Variants in MTHFD2L observed in about 807,000 individuals in gnomAD.
MTHFD2L encodes the protein bifunctional methylenetetrahydrofolate dehydrogenase/cyclohydrolase 2, mitochondrial.
MTHFD2L carries 29 observed loss-of-function variants against 34.9 expected under a neutral mutation model. The ratio of observed to expected loss-of-function variants is 0.83; its 90% CI spans 0.62 to 1.13. The LOEUF is 1.13. Among genes scored for constraint, MTHFD2L ranks in the 50% most tolerant of loss-of-function variants. MTHFD2L has a pLI of 0.00. For missense variants in MTHFD2L, 481 were observed against 446.5 expected, an observed-to-expected ratio of 1.08 and a Z score of -0.70; for synonymous variants, 167 against 155.7, an observed-to-expected ratio of 1.07 and a Z score of -0.54.
At chr4:74,157,885 T>G (rs1263878466), upstream of MTHFD2L, 2 of 660,490 alleles carry the variant, frequency 3.0e-6, no homozygotes, top group South Asian at 1.5e-5. Context: ...CAGGCCACAC[T>G]GCACGCTTCC....
chr4:74,295,576 T>C (rs1236730781), intron 7 of MTHFD2L, among the ~76,000 whole-genome samples: 1 of 152,188 alleles, frequency 6.6e-6, no homozygotes, highest in Non-Finnish European at 1.5e-5. Context: ...GAACAGTTTC[T>C]TCATTTGATT....
intron 3 of MTHFD2L, among the ~76,000 whole-genome samples, chr4:74,196,975 CAT>C (rs1466193949): frequency 6.8e-6 from 1 of 147,782 alleles, no homozygotes. Context: ...CCATACAAAA[CAT>C]ATATTCATTC....
chr4:74,245,459 T>A (rs1274620596), intron 6 of MTHFD2L, among the ~76,000 whole-genome samples: 2 of 149,572 alleles, frequency 1.3e-5, no homozygotes, highest in Non-Finnish European at 3.0e-5. Context: ...TATCATTAGA[T>A]ATAATTATTG....
At chr4:74,133,810 A>C (rs1339303424) in intron 1 of MTHFD2L, among the ~76,000 whole-genome samples, 1 of 152,104 alleles carries the variant, frequency 6.6e-6, no homozygotes, top group Non-Finnish European at 1.5e-5. Context: ...TTCTAATCCC[A>C]AAATGGCAGC....
chr4:74,161,779 G>A (rs1725516713), intron 1 of MTHFD2L: 1 of 152,138 alleles, frequency 6.6e-6, no homozygotes, highest in South Asian at 2.1e-4. Flanking sequence ...TTTCCTATTA[G>A]TACCCTGATG....
chr4:74,153,280 G>A (rs1472730989), upstream of MTHFD2L, among the ~76,000 whole-genome samples: 1 of 152,190 alleles, frequency 6.6e-6, no homozygotes, highest in African/African-American at 2.4e-5. Context: ...AACAATGAAT[G>A]CTATATAGTG....
intron 6 of MTHFD2L, 51 bp downstream of exon 6, chr4:74,225,445 C>T (rs960163721): frequency 1.4e-6 from 2 of 1,443,028 alleles, no homozygotes; most frequent in African/African-American, 1.4e-5. Flanking sequence ...CAGAATAATT[C>T]CTGCCCTAAA....
intron 1 of MTHFD2L, among the ~76,000 whole-genome samples, chr4:74,173,447 G>A (rs1464243016): frequency 6.6e-6 from 1 of 152,180 alleles, no homozygotes; most frequent in African/African-American, 2.4e-5. Context: ...TAAACTATCG[G>A]TTTACTGACC....
At chr4:74,158,116 C>T (rs748356385), upstream of MTHFD2L, 2 of 1,529,660 alleles carry the variant, frequency 1.3e-6, no homozygotes, top group South Asian at 2.4e-5. Context: ...GAGCCCCAGT[C>T]CGGAAGCCGG....
intron 6 of MTHFD2L, among the ~76,000 whole-genome samples, chr4:74,231,747 A>G (rs1273226687): frequency 6.6e-6 from 1 of 152,182 alleles, no homozygotes; most frequent in Non-Finnish European, 1.5e-5. Context: ...GATTTAAATG[A>G]TAATAATAAA....
At chr4:74,267,847 A>G (rs1745506586) in intron 6 of MTHFD2L, 2 of 985,206 alleles carry the variant, frequency 2.0e-6, no homozygotes, top group South Asian at 4.7e-5. Context: ...TGATCCTATG[A>G]ATTTCTGAAT....
chr4:74,277,312 A>G (rs1746798645), intron 6 of MTHFD2L, among the ~76,000 whole-genome samples: 1 of 151,980 alleles, frequency 6.6e-6, no homozygotes, highest in Non-Finnish European at 1.5e-5. Context: ...AATACACCCT[A>G]GATACCACTT....
chr4:74,242,160 A>G (rs1260062597), intron 6 of MTHFD2L: 1 of 150,392 alleles, frequency 6.6e-6, no homozygotes, highest in African/African-American at 2.4e-5. Context: ...ATAATTATCA[A>G]AAAATGACAA....
chr4:74,288,601 AC>A (rs1748489666), intron 7 of MTHFD2L: 1 of 152,064 alleles, frequency 6.6e-6, no homozygotes. Flanking sequence ...GTTCTGAAAA[AC>A]CTCAGGGGAC....
chr4:74,163,897 G>A (rs10008940), intron 1 of MTHFD2L, among the ~76,000 whole-genome samples: 115,849 of 152,082 alleles, frequency 0.76, 50,133 homozygotes, highest in Non-Finnish European at 0.95. Context: ...TTTGTTTGAG[G>A]CAGAGTCTTG....
At chr4:74,185,167 A>AACAAAC (rs1730945368) in intron 3 of MTHFD2L, among the ~76,000 whole-genome samples, 2 of 150,666 alleles carry the variant, frequency 1.3e-5, no homozygotes, top group African/African-American at 4.9e-5. Flanking sequence ...AAAAAAAAAA[A>AACAAAC]AAAAAAAAAA....
At chr4:74,184,279 G>A (rs1730729353) in intron 3 of MTHFD2L, among the ~76,000 whole-genome samples, 1 of 152,142 alleles carries the variant, frequency 6.6e-6, no homozygotes, top group Admixed American at 6.5e-5. Context: ...TTGCTTACAT[G>A]AAACTACACC....
At chr4:74,200,230 T>C (rs923336443) in intron 4 of MTHFD2L, among the ~76,000 whole-genome samples, 2 of 152,042 alleles carry the variant, frequency 1.3e-5, no homozygotes, top group African/African-American at 4.8e-5. Flanking sequence ...GAGAATGGCA[T>C]GAACCTGGGA....
At position 74,198,552 on chromosome 4, in the gene MTHFD2L, T is replaced by C. The variant is rs1464186224; in HGVS notation, c.452-1242T>C. On this transcript the variant is annotated intron_variant, in intron 3 of 7. Coordinates refer to ENST00000325278, the MANE Select transcript of MTHFD2L (RefSeq NM_001144978.3). ...ATATCCATGTCATGAAGCTTCCGCG[T>C]GAGTGGTAGGTGATTTAAAAATGAC... Among the ~76,000 whole-genome samples, 3 of 152,248 alleles carry C rather than the reference T, an allele frequency of 2.0e-5. No individual in the cohort carries two copies. In the East Asian group the frequency reaches 5.8e-4, roughly 29 times the overall value.
Sources: allele counts gnomAD v4.1 joint callset (sites outside exome capture counted in the v4.1 genomes callset), GRCh38; gene constraint gnomAD v4.1.1; transcripts MANE v1.5; gene names NCBI Gene and HGNC (gene_info 2026-07-23, HGNC 2026-07-21).